The following TMEM108 variants were observed in gnomAD, a reference collection of about 807,000 sequenced individuals.
TMEM108 encodes cancer/testis antigen 124.
TMEM108 carries 12 observed loss-of-function variants against 35.1 expected under a neutral mutation model. The ratio of observed to expected loss-of-function variants is 0.34; its 90% confidence interval spans 0.22 to 0.55. The LOEUF (loss-of-function observed/expected upper bound fraction) is 0.55, where lower values mean the gene tolerates loss of function less well. Ranked by LOEUF, TMEM108 falls within the 20% of genes least tolerant of loss-of-function variation. The probability of loss-of-function intolerance (pLI) is 0.89; values close to 1 mark genes in which losing one functional copy is unlikely to be tolerated. For synonymous variants in TMEM108, 287 were observed against 308.6 expected (o/e 0.93, Z 0.73); for missense variants, 680 against 753.3 (o/e 0.90, Z 1.14).
In TMEM108 at chr3:133,388,308, G is replaced by T. The variant is rs2107856601; in HGVS notation, c.1451-1872G>T. ...AAGGGGACAGGGGACCCGGGATCTT[G>T]TCCCAGCTCTGCCACTCACATACCT... On this transcript the variant is annotated intron_variant, in intron 4 of 5. Transcript: ENST00000321871. The T allele has an allele frequency of 4.1e-6, 4 of 984,566 alleles. No homozygotes were observed. The South Asian group carries it at 1.9e-4, about 46-fold the overall frequency. 61.0% of individuals were successfully genotyped at this position (984,566 alleles called of 1,614,324 possible). A position where few individuals can be genotyped will look rare whatever the true frequency, so the allele number is the denominator to read the frequency against.
intron 2 of TMEM108, among the ~76,000 whole-genome samples, chr3:133,126,541 C>A (rs557804650): frequency 1.3e-5 from 2 of 151,112 alleles, no homozygotes; most frequent in South Asian, 4.2e-4. Context: ...TAGCATTGTC[C>A]AATAAAAATG....
In TMEM108 at chr3:133,250,571, C is replaced by T. The variant is rs567752725; in HGVS notation, c.40+21220C>T. 3.3e-5 allele frequency among the ~76,000 whole-genome samples: 5 copies of T among 152,322 alleles called. No homozygotes were observed. In the South Asian group the frequency reaches 6.2e-4, roughly 19 times the overall value. On this transcript the variant is annotated intron_variant, in intron 3 of 5. Coordinates refer to ENST00000321871, the MANE Select transcript of TMEM108 (RefSeq NM_023943.4). ...GATTTTCAACTGTGCAGGGGGTTTG[C>T]ACCCCTAATTCCTGCATTGTTCAAG...
At chr3:133,139,990 G>A (rs1031012627) in intron 2 of TMEM108, among the ~76,000 whole-genome samples, 1 of 152,184 alleles carries the variant, frequency 6.6e-6, no homozygotes, top group Admixed American at 6.5e-5. Flanking sequence ...GAAGAGGATA[G>A]GAGCAGTCTC....
rs529483785 is a variant in TMEM108, at chr3:133,100,290, A to G, written c.-47+54270A>G. Reference sequence around the variant, plus strand: ...ACATGGGAATTCTGGAGATACAACTATAGTTGAGATTTGGGTGGGGACACA... The same window carrying G: ...ACATGGGAATTCTGGAGATACAACTGTAGTTGAGATTTGGGTGGGGACACA... On this transcript the variant is annotated intron_variant, in intron 2 of 5. Coordinates refer to ENST00000321871, the MANE Select transcript of TMEM108 (RefSeq NM_023943.4). 3.3e-5 allele frequency among the ~76,000 whole-genome samples: 5 copies of G among 152,318 alleles called. No individual in the cohort carries two copies. The South Asian group carries it at 6.2e-4, about 19-fold the overall frequency.
At chr3:133,112,014 G>T (rs898916900) in intron 2 of TMEM108, among the ~76,000 whole-genome samples, 2 of 152,248 alleles carry the variant, frequency 1.3e-5, no homozygotes, top group African/African-American at 4.8e-5. Flanking sequence ...AGTGTGTTCT[G>T]CAGTGAGAGT....
chr3:133,154,622 A>T (rs900741448), intron 2 of TMEM108, among the ~76,000 whole-genome samples: 1 of 152,122 alleles, frequency 6.6e-6, no homozygotes, highest in African/African-American at 2.4e-5. Flanking sequence ...CAAAAAACCA[A>T]ACACCGCATG....
intron 2 of TMEM108, among the ~76,000 whole-genome samples, chr3:133,048,840 A>C (rs1943369944): frequency 6.6e-6 from 1 of 152,190 alleles, no homozygotes; most frequent in South Asian, 2.1e-4. Context: ...AGAGGTGAAA[A>C]GTGAAAGAAG....
intron 2 of TMEM108, among the ~76,000 whole-genome samples, chr3:133,113,873 G>T (rs1490402831): frequency 2.0e-5 from 3 of 152,160 alleles, no homozygotes; most frequent in Non-Finnish European, 4.4e-5. Flanking sequence ...TTTTCAGGAT[G>T]TGGCTGCATG....
chr3:133,287,141 ATGGTTTT>A (rs1946997200), intron 3 of TMEM108, among the ~76,000 whole-genome samples: 1 of 152,132 alleles, frequency 6.6e-6, no homozygotes, highest in African/African-American at 2.4e-5. Flanking sequence ...GGCTGGCAAG[ATGGTTTT>A]TGGTATTCTT....
rs768642153 is a variant in TMEM108, at chr3:133,380,855, A to G, written c.1144A>G (p.Thr382Ala). The change falls in exon 4 of 6, where the codon ACC (threonine) becomes GCC (alanine). Residue 382 changes from threonine to alanine, a missense_variant. This residue lies in a region of TMEM108 where 526 missense variants were observed against 532.1 expected (regional missense o/e 0.99). Transcript: ENST00000321871. This position sits in a 1 kb window ranked among gnomAD's most constrained non-coding sequence, Gnocchi z 5.3. Reference protein sequence around the residue: ...SQGIPQGASTTPQAPTHPSRV... With the variant: ...SQGIPQGASTAPQAPTHPSRV... The stretch of plus-strand genomic sequence containing the variant: ...GGGGATTCCTCAGGGAGCATCCACA[A>G]CCCCACAAGCTCCAACCCATCCCTC... The G allele has an allele frequency of 1.2e-6, 2 of 1,614,024 alleles. No individual in the cohort carries two copies. Among genetic ancestry groups the G allele is most frequent in the South Asian group, 1.1e-5 (1 of 91,062 alleles).
rs370357804 is a variant in TMEM108, at chr3:133,395,857, T to C, written c.1606-7T>C. ...GCTCACTCCATCTCCTCCCTCTCTC[T>C]TCCCAGGACCAGCTCTCAGAGCCCC... On this transcript the variant is annotated splice_region_variant and splice_polypyrimidine_tract_variant and intron_variant, in intron 5 of 5. Coordinates refer to ENST00000321871, the MANE Select transcript of TMEM108 (RefSeq NM_023943.4). 41 of 1,571,920 alleles carry C rather than the reference T, an allele frequency of 2.6e-5. 1 individual carries two copies. The highest frequency in any genetic ancestry group is 1.9e-4 in the Admixed American group (10 of 53,460).
At chr3:133,145,950 G>T (rs188800324) in intron 2 of TMEM108, among the ~76,000 whole-genome samples, 2 of 151,896 alleles carry the variant, frequency 1.3e-5, no homozygotes, top group Non-Finnish European at 2.9e-5. Context: ...ATTTGAATAC[G>T]CTTTATTTCT....
At chr3:133,252,306 GT>G (rs570881005) in intron 3 of TMEM108, among the ~76,000 whole-genome samples, 17 of 152,310 alleles carry the variant, frequency 1.1e-4, no homozygotes, top group Admixed American at 4.6e-4. Context: ...TATTCAGGTT[GT>G]TTGCTGCACA....
intron 4 of TMEM108, among the ~76,000 whole-genome samples, chr3:133,382,458 C>T (rs954940684): frequency 6.6e-6 from 1 of 152,260 alleles, no homozygotes; most frequent in African/African-American, 2.4e-5. Context: ...GGCTGCATTG[C>T]CTGGGCCTGT....
At chr3:133,255,972 G>A (rs1462506051) in intron 3 of TMEM108, among the ~76,000 whole-genome samples, 2 of 152,156 alleles carry the variant, frequency 1.3e-5, no homozygotes, top group Non-Finnish European at 2.9e-5. Context: ...CTCTGCACTG[G>A]CTGACAGAGT....
chr3:133,215,365 T>TAAA (rs35908719), intron 2 of TMEM108, among the ~76,000 whole-genome samples: 22 of 135,382 alleles, frequency 1.6e-4, no homozygotes, highest in African/African-American at 2.2e-4. Flanking sequence ...CATAAAAATG[T>TAAA]AAAAAAAAAA....
intron 2 of TMEM108, among the ~76,000 whole-genome samples, chr3:133,224,125 C>G (rs1261340094): frequency 6.6e-6 from 1 of 152,170 alleles, no homozygotes; most frequent in African/African-American, 2.4e-5. Context: ...AACTGTTTCT[C>G]TCTTCTCTTG....
intron 5 of TMEM108, among the ~76,000 whole-genome samples, chr3:133,392,403 C>A (rs1462371952): frequency 6.6e-6 from 1 of 152,044 alleles, no homozygotes; most frequent in South Asian, 2.1e-4. Context: ...CCTCAAGTGA[C>A]CCGCCCACCT....
chr3:133,074,236 A>T lies in TMEM108; in HGVS notation c.-47+28216A>T, dbSNP rs372620057. 2.6e-5 allele frequency: 4 copies of T among 152,220 alleles called. No homozygotes were observed. In the South Asian group the frequency reaches 8.3e-4, roughly 32 times the overall value. The allele number at this position is 152,220 out of a possible 1,614,324, so 9.4% of individuals were successfully genotyped here. Reference sequence around the variant, plus strand: ...GACTCCCTCTTGATTATTTACTTAAATATTTATTTCCTTTTATCTTCATAT... The same window carrying T: ...GACTCCCTCTTGATTATTTACTTAATTATTTATTTCCTTTTATCTTCATAT... On this transcript the variant is annotated intron_variant, in intron 2 of 5. Coordinates refer to ENST00000321871, the MANE Select transcript of TMEM108 (RefSeq NM_023943.4).
Sources: gnomAD v4.1 joint callset for allele counts (sites outside exome capture counted in the v4.1 genomes callset) on GRCh38, gnomAD v4.1.1 for gene constraint, gnomAD v4.1.1 regional missense constraint, Gnocchi (gnomAD v3.1) non-coding constraint, MANE v1.5 for transcripts, NCBI Gene and HGNC (gene_info 2026-07-23, HGNC 2026-07-21) for gene names.